KATNIP: variants seen among roughly 807,000 people sequenced by gnomAD.
KATNIP encodes katanin interacting protein.
Under a neutral mutation model 174.0 loss-of-function variants are expected in KATNIP, and 126 were observed. The observed-to-expected ratio is 0.72, with a 90% CI of 0.63 to 0.84. The LOEUF (loss-of-function observed/expected upper bound fraction) is 0.84. Ranked by LOEUF, KATNIP falls within the 40% of genes least tolerant of loss-of-function variation. The pLI is 0.00. For synonymous variants in KATNIP, 810 were observed against 835.7 expected, an observed-to-expected ratio of 0.97 and a Z score of 0.53; for missense variants, 1,958 against 2,109.7, an observed-to-expected ratio of 0.93 and a Z score of 1.41.
intron 14 of KATNIP, among the ~76,000 whole-genome samples, chr16:27,739,500 CTTG>C (rs1370551219): frequency 2.0e-5 from 3 of 152,212 alleles, no homozygotes; most frequent in African/African-American, 7.2e-5. Flanking sequence ...CACCCGAGTC[CTTG>C]TCTCAGCCTC....
At chr16:27,742,770 C>G (rs1482953691) in intron 15 of KATNIP, among the ~76,000 whole-genome samples, 3 of 152,246 alleles carry the variant, frequency 2.0e-5, no homozygotes, top group Non-Finnish European at 4.4e-5. Flanking sequence ...TCATCACCCT[C>G]TCTGTGATGC....
chr16:27,606,863 G>A (rs890575438), intron 2 of KATNIP, among the ~76,000 whole-genome samples: 1 of 152,020 alleles, frequency 6.6e-6, no homozygotes, highest in Non-Finnish European at 1.5e-5. Context: ...ATCGTGCCTG[G>A]CATCTTGGGC....
intron 14 of KATNIP, among the ~76,000 whole-genome samples, chr16:27,723,535 C>T (rs1295150050): frequency 1.3e-5 from 2 of 152,018 alleles, no homozygotes; most frequent in Non-Finnish European, 2.9e-5. Flanking sequence ...CATCTCCTGA[C>T]CAGAATTTAT....
rs1555482105 is a variant in KATNIP, at chr16:27,713,782, T to TTA, written c.1605+4868_1605+4869dup. On this transcript the variant is annotated intron_variant, in intron 13 of 27. Coordinates refer to ENST00000261588, the MANE Select transcript of KATNIP (RefSeq NM_015202.5). ...GTGTGTATATGTATATATACACATA[T>TTA]TATATATGTGTGTGTGTGTGTATAT... Among the ~76,000 whole-genome samples the TTA allele has an allele frequency of 1.3e-4, 6 of 46,278 alleles. 1 individual carries two copies. The highest frequency in any genetic ancestry group is 8.1e-4 in the East Asian group (1 of 1,242). The allele number at this position is 46,278 out of a possible 152,430, so 30.4% of individuals were successfully genotyped here. A position where few individuals can be genotyped will look rare whatever the true frequency, so the allele number is the denominator to read the frequency against.
chr16:27,618,515 C>T lies in KATNIP; in HGVS notation c.140+14C>T, dbSNP rs2076106373. The T allele has an allele frequency of 1.3e-6, 2 of 1,576,698 alleles. No homozygotes were observed. Among genetic ancestry groups the T allele is most frequent in the Admixed American group, 3.3e-5 (2 of 59,950 alleles). On this transcript the variant is annotated intron_variant, in intron 3 of 27. Transcript: ENST00000261588. ...GCAGAGGAACCGGTAAGAGAAGCCA[C>T]TCGACGGCAGCCCTTGATATTAGCG...
At chr16:27,579,735 A>C (rs1166014112) in intron 2 of KATNIP, among the ~76,000 whole-genome samples, 1 of 152,036 alleles carries the variant, frequency 6.6e-6, no homozygotes, top group East Asian at 1.9e-4. Context: ...AGTTGATTGG[A>C]GATTCCAAAA....
intron 18 of KATNIP, among the ~76,000 whole-genome samples, chr16:27,757,784 C>T (rs1353728151): frequency 1.3e-5 from 2 of 152,140 alleles, no homozygotes; most frequent in Non-Finnish European, 1.5e-5. Context: ...CGTGCAAGAG[C>T]GGAGCACAGA....
chr16:27,734,722 G>A (rs1285298231), intron 14 of KATNIP, among the ~76,000 whole-genome samples: 1 of 152,030 alleles, frequency 6.6e-6, no homozygotes, highest in Non-Finnish European at 1.5e-5. Context: ...TTTAAAAAAG[G>A]GTAGGGGCTC....
intron 13 of KATNIP, among the ~76,000 whole-genome samples, chr16:27,713,347 G>T (rs2079668882): frequency 6.6e-6 from 1 of 152,042 alleles, no homozygotes; most frequent in African/African-American, 2.4e-5. Flanking sequence ...ATGTATTGGG[G>T]ATTGATACGG....
chr16:27,698,165 C>G (rs923944269), intron 8 of KATNIP, among the ~76,000 whole-genome samples, 163 bp from the exon 9 acceptor site: 1 of 152,238 alleles, frequency 6.6e-6, no homozygotes, highest in African/African-American at 2.4e-5. Flanking sequence ...TGCCTAGTCT[C>G]CTGTAATCTG....
At chr16:27,654,979 A>G (rs947192967) in intron 6 of KATNIP, among the ~76,000 whole-genome samples, 1 of 151,350 alleles carries the variant, frequency 6.6e-6, no homozygotes, top group African/African-American at 2.4e-5. Context: ...AATTTTTAAA[A>G]TGTGCAGGGT....
At chr16:27,715,512 A>G (rs1177538228) in intron 13 of KATNIP, among the ~76,000 whole-genome samples, 1 of 152,222 alleles carries the variant, frequency 6.6e-6, no homozygotes, top group African/African-American at 2.4e-5. Flanking sequence ...TACAACCTAC[A>G]AAAGGGAGAA....
chr16:27,583,878 G>T (rs2090788013), intron 2 of KATNIP, among the ~76,000 whole-genome samples: 1 of 152,142 alleles, frequency 6.6e-6, no homozygotes, highest in Admixed American at 6.6e-5. Context: ...GCCTTCTTTG[G>T]TGGCAGGTCT....
At chr16:27,564,470 C>A (rs981105693) in intron 1 of KATNIP, among the ~76,000 whole-genome samples, 1 of 151,986 alleles carries the variant, frequency 6.6e-6, no homozygotes, top group Non-Finnish European at 1.5e-5. Flanking sequence ...AGCAAATGCG[C>A]GTTAACGGTG....
chr16:27,769,380 G>T (rs1379366128), intron 20 of KATNIP, among the ~76,000 whole-genome samples: 1 of 152,240 alleles, frequency 6.6e-6, no homozygotes, highest in African/African-American at 2.4e-5. Context: ...AGGAGTGATA[G>T]AGGCTAACAT....
At chr16:27,705,414 G>A (rs2079261929) in intron 12 of KATNIP, among the ~76,000 whole-genome samples, 1 of 152,106 alleles carries the variant, frequency 6.6e-6, no homozygotes, top group South Asian at 2.1e-4. Context: ...GCCTGGACTA[G>A]AGTTCCAGCT....
At chr16:27,594,106 A>G (rs374168120) in intron 2 of KATNIP, among the ~76,000 whole-genome samples, 22 of 152,036 alleles carry the variant, frequency 1.4e-4, no homozygotes, top group African/African-American at 3.4e-4. Context: ...AAAAAAAACT[A>G]AAAATTAACC....
chr16:27,748,517 G>A (rs2081373723), intron 15 of KATNIP, among the ~76,000 whole-genome samples: 1 of 152,186 alleles, frequency 6.6e-6, no homozygotes, highest in Non-Finnish European at 1.5e-5. Context: ...CCTGAGCCTG[G>A]GAGGTTAAGG....
intron 9 of KATNIP, 37 bp from the exon 10 acceptor site, chr16:27,699,497 T>G (rs780032202): frequency 1.2e-6 from 2 of 1,613,016 alleles, no homozygotes; most frequent in Non-Finnish European, 1.7e-6. Context: ...TGAATGGCTT[T>G]GTTCCAACAT....
Sources: gnomAD v4.1 joint callset for allele counts (sites outside exome capture counted in the v4.1 genomes callset) on GRCh38, gnomAD v4.1.1 for gene constraint, MANE v1.5 for transcripts, NCBI Gene and HGNC (gene_info 2026-07-23, HGNC 2026-07-21) for gene names.